GLI1: variants seen among roughly 807,000 people sequenced by gnomAD.
GLI1 encodes GLI family zinc finger 1.
GLI1 carries 51 observed loss-of-function variants against 87.8 expected under a neutral mutation model. The observed-to-expected ratio is 0.58, with a 90% CI of 0.46 to 0.73. GLI1 has a LOEUF of 0.73. Among genes scored for constraint, GLI1 ranks in the 30% least tolerant of loss-of-function variants. The pLI is 0.00. For synonymous variants in GLI1, 528 were observed against 558.2 expected, an observed-to-expected ratio of 0.95 and a Z score of 0.76; for missense variants, 1,292 against 1,437.2, an observed-to-expected ratio of 0.90 and a Z score of 1.63.
rs748075302 is a variant in GLI1, at chr12:57,465,682, T to G, written c.610T>G (p.Ser204Ala). The G allele has an allele frequency of 6.2e-7, 1 of 1,613,982 alleles. No individual in the cohort carries two copies. Among genetic ancestry groups the G allele is most frequent in the South Asian group, 1.1e-5 (1 of 91,084 alleles). The change falls in exon 6 of 12, where the codon TCC (serine) becomes GCC (alanine). Residue 204 changes from serine (S) to alanine (A), a missense_variant. Coordinates refer to ENST00000228682, the MANE Select transcript of GLI1 (RefSeq NM_005269.3). The stretch of plus-strand genomic sequence containing the variant: ...GGAAGGTGATATGTCCAGCCCCAAC[T>G]CCACAGGCATACAGGTAAGGGGATG... The part of the protein sequence containing the change: ...PLEGDMSSPN[S>A]TGIQDPLLGM...
chr12:57,465,853 A>G lies in GLI1; in HGVS notation c.690A>G (p.Glu230=), dbSNP rs1224014610. 1 of 1,614,076 alleles carries G rather than the reference A, an allele frequency of 6.2e-7. No homozygotes were observed. The highest frequency in any genetic ancestry group is 8.5e-7 in the Non-Finnish European group (1 of 1,179,930). The change falls in exon 7 of 12, where the codon GAA becomes GAG. Residue 230 remains glutamate (E), a synonymous_variant. Coordinates refer to ENST00000228682, the MANE Select transcript of GLI1 (RefSeq NM_005269.3). ...DLEREEKREP[E]SVYETDCRWD... Reference sequence around the variant, plus strand: ...AGAGAGAGGAGAAGCGTGAGCCTGAATCTGTGTATGAAACTGACTGCCGTT... The same window carrying G: ...AGAGAGAGGAGAAGCGTGAGCCTGAGTCTGTGTATGAAACTGACTGCCGTT...
At chr12:57,461,660 C>T (rs1384551963) in intron 1 of GLI1, among the ~76,000 whole-genome samples, 1 of 152,204 alleles carries the variant, frequency 6.6e-6, no homozygotes, top group Admixed American at 6.5e-5. Flanking sequence ...AGCCCCCACC[C>T]CTATGGCTCG....
rs200306754 is a variant in GLI1, at chr12:57,470,335, G to A, written c.1595G>A (p.Arg532His). The change falls in exon 12 of 12, where the codon CGC becomes CAC. Residue 532 changes from arginine to histidine, a missense_variant. Coordinates refer to ENST00000228682, the MANE Select transcript of GLI1 (RefSeq NM_005269.3). ...CTTGCAGGTACCACTGTGTCCCGCC[G>A]CGTGGGCCCCCCAGTCTCTCTTGAA... Reference protein sequence around the residue: ...LSHTGTTVSRRVGPPVSLERR... With the variant: ...LSHTGTTVSRHVGPPVSLERR... 1.3e-4 allele frequency: 203 copies of A among 1,572,206 alleles called. No individual in the cohort carries two copies. The East Asian group carries it at 1.9e-3, about 14-fold the overall frequency.
chr12:57,466,537 A>C, intron 8 of GLI1, 148 bp downstream of exon 8: 1 of 612,896 alleles, frequency 1.6e-6, no homozygotes, highest in Non-Finnish European at 2.8e-6. Flanking sequence ...TGTTGGCATA[A>C]AGATGAATAT....
At chr12:57,460,861 A>G (rs146505979) in intron 1 of GLI1, among the ~76,000 whole-genome samples, 11 of 152,232 alleles carry the variant, frequency 7.2e-5, no homozygotes, top group Middle Eastern at 3.4e-3. Flanking sequence ...GGCTGTGGGC[A>G]AGGAGCTCAG....
In GLI1 at chr12:57,470,361, C is replaced by G; in HGVS notation, c.1621C>G (p.Arg541Gly). ...RRVGPPVSLE[R>G]RSSSSSSISS... is the part of the protein sequence containing the mutation. ...CGTGGGCCCCCCAGTCTCTCTTGAA[C>G]GCCGCAGCAGCAGCTCCAGCAGCAT... is the stretch of plus-strand genomic sequence containing the variant. Residue 541 changes from arginine (R) to glycine (G), a missense_variant, in exon 12 of 12, where the codon CGC (arginine) becomes GGC (glycine). Coordinates refer to ENST00000228682, the MANE Select transcript of GLI1 (RefSeq NM_005269.3). The G allele has an allele frequency of 6.2e-7, 1 of 1,604,812 alleles. No individual in the cohort carries two copies. Among genetic ancestry groups the G allele is most frequent in the Non-Finnish European group, 8.5e-7 (1 of 1,174,910 alleles).
rs1168450436 is a variant in GLI1 at position 57,469,680 on chromosome 12, C to G, written c.1558C>G (p.Pro520Ala). 6.2e-7 allele frequency: 1 copy of G among 1,613,428 alleles called. No individual in the cohort carries two copies. Among genetic ancestry groups the G allele is most frequent in the East Asian group, 2.2e-5 (1 of 44,902 alleles). Residue 520 changes from proline to alanine, a missense_variant, in exon 11 of 12, where the codon CCC becomes GCC. Pro to Ala is a conservative substitution (Grantham distance 27). Around this residue, in one of 3 missense-constraint regions of GLI1, gnomAD observed 897 missense variants for 1,040.7 expected, o/e 0.86. Coordinates refer to ENST00000228682, the MANE Select transcript of GLI1 (RefSeq NM_005269.3). ...RPIGTRGLKL[P>A]SLSHTGTTVS... ...AATAGGGACCCGGGGTCTCAAACTG[C>G]CCAGCTTGTCCCACACCGGTGAGAC...
chr12:57,461,555 C>G (rs1297543588), intron 1 of GLI1, among the ~76,000 whole-genome samples: 1 of 152,226 alleles, frequency 6.6e-6, no homozygotes, highest in East Asian at 1.9e-4. Flanking sequence ...ACCCCACCAA[C>G]GGGGACCCCC....
Position 57,470,561 on chromosome 12 carries a change from C to A in GLI1, c.1821C>A (p.Ser607=), listed in dbSNP as rs768806308. 6.2e-6 allele frequency: 10 copies of A among 1,614,122 alleles called. No homozygotes were observed. The highest frequency in any genetic ancestry group is 7.6e-6 in the Non-Finnish European group (9 of 1,180,030). The part of the protein sequence containing the change: ...RGGGTSPTAA[S]SLDRIGGLPM... ...GTGGTACTTCGCCCACTGCAGCATCCAGCCTGGATCGGATAGGTGGTCTTC... is the reference window on the plus strand; with the variant it reads ...GTGGTACTTCGCCCACTGCAGCATCAAGCCTGGATCGGATAGGTGGTCTTC... The change falls in exon 12 of 12, where the codon TCC becomes TCA. Residue 607 remains serine, a synonymous_variant. Coordinates refer to ENST00000228682, the MANE Select transcript of GLI1 (RefSeq NM_005269.3).
In GLI1 at chr12:57,470,672, G is replaced by A. The variant is rs1479201313; in HGVS notation, c.1932G>A (p.Gln644=). The A allele has an allele frequency of 6.2e-7, 1 of 1,613,416 alleles. No homozygotes were observed. Among genetic ancestry groups the A allele is most frequent in the Admixed American group, 1.7e-5 (1 of 60,000 alleles). The change falls in exon 12 of 12, where the codon CAG becomes CAA. Residue 644 remains glutamine, a synonymous_variant. Coordinates refer to ENST00000228682, the MANE Select transcript of GLI1 (RefSeq NM_005269.3). ...GVTRRASDPA[Q]AADRPAPARV... ...CCCGGAGGGCCAGTGACCCAGCCCAGGCTGCTGACCGTCCTGCTCCAGCTA... is the reference window on the plus strand; with the variant it reads ...CCCGGAGGGCCAGTGACCCAGCCCAAGCTGCTGACCGTCCTGCTCCAGCTA...
chr12:57,464,160 G>A, intron 3 of GLI1, 69 bp downstream of exon 3: 1 of 1,027,934 alleles, frequency 9.7e-7, no homozygotes, highest in East Asian at 2.4e-5. Context: ...GAAAGTGGGA[G>A]GGCAGGGGAT....
intron 1 of GLI1, among the ~76,000 whole-genome samples, chr12:57,462,628 C>G (rs910834258): frequency 5.9e-5 from 9 of 152,160 alleles, no homozygotes; most frequent in Non-Finnish European, 8.8e-5. Context: ...CTTTCCTGTT[C>G]CCCCAAAACA....
chr12:57,468,416 C>T (rs753393634), intron 10 of GLI1, among the ~76,000 whole-genome samples, 192 bp downstream of exon 10: 6 of 152,188 alleles, frequency 3.9e-5, no homozygotes, highest in African/African-American at 1.4e-4. Context: ...CTGTCTCACT[C>T]TCTCACTCTC....
chr12:57,464,167 G>T, intron 3 of GLI1, 76 bp downstream of exon 3: 1 of 976,972 alleles, frequency 1.0e-6, no homozygotes, highest in Admixed American at 1.7e-5. Context: ...GGAGGGCAGG[G>T]GATCTCACTT....
At chr12:57,460,672 G>C (rs563867622) in intron 1 of GLI1, 1 of 152,426 alleles carries the variant, frequency 6.6e-6, no homozygotes, top group South Asian at 2.1e-4. Context: ...GAGCCACTAG[G>C]GGCCAGCCAG....
At position 57,470,592 on chromosome 12, in the gene GLI1, C is replaced by T. The variant is rs763307946; in HGVS notation, c.1852C>T (p.Pro618Ser). 1 of 1,614,106 alleles carries T rather than the reference C, an allele frequency of 6.2e-7. No individual in the cohort carries two copies. The highest frequency in any genetic ancestry group is 1.1e-5 in the South Asian group (1 of 91,092). Residue 618 changes from proline to serine, a missense_variant, in exon 12 of 12, where the codon CCT (proline) becomes TCT (serine). By Grantham distance (74) the Pro-to-Ser change is moderately conservative. Transcript: ENST00000228682. ...SLDRIGGLPM[P>S]PWRSRAEYPG... is the part of the protein sequence containing the mutation. The stretch of plus-strand genomic sequence containing the variant: ...GGATCGGATAGGTGGTCTTCCCATG[C>T]CTCCTTGGAGAAGCCGAGCCGAGTA...
chr12:57,465,576 C>T (rs1230486030), intron 5 of GLI1, 31 bp from the exon 6 acceptor site: 1 of 1,571,800 alleles, frequency 6.4e-7, no homozygotes, highest in Non-Finnish European at 8.7e-7. Context: ...TACTTCCACC[C>T]TCATCACCGT....
rs1187895829 is a variant in GLI1 at position 57,460,072 on chromosome 12, G to C, written c.-157G>C. 4 of 149,508 alleles carry C rather than the reference G, an allele frequency of 2.7e-5. No individual in the cohort carries two copies. Among genetic ancestry groups the C allele is most frequent in the Non-Finnish European group, 6.0e-5 (4 of 66,692 alleles). The allele number at this position is 149,508 out of a possible 1,614,324, so 9.3% of individuals were successfully genotyped here. On this transcript the variant is annotated 5_prime_UTR_variant, in exon 1 of 12. Transcript: ENST00000228682. Reference sequence around the variant, plus strand: ...GGGCCGGCGGGAGGGCTGGGGGCCAGGTTGGGGGGGTGGGGGTGGCATCGA... The same window carrying C: ...GGGCCGGCGGGAGGGCTGGGGGCCACGTTGGGGGGGTGGGGGTGGCATCGA...
Position 57,470,652 on chromosome 12 carries a change from A to T in GLI1, c.1912A>T (p.Arg638Trp). ...GYNPNAGVTR[R>W]ASDPAQAADR... ...CAACCCCAATGCAGGGGTCACCCGG[A>T]GGGCCAGTGACCCAGCCCAGGCTGC... Residue 638 changes from arginine to tryptophan, a missense_variant, in exon 12 of 12, where the codon AGG becomes TGG. By Grantham distance (101) the Arg-to-Trp change is moderately radical. This residue lies in a region of GLI1 where 897 missense variants were observed against 1,040.7 expected (regional missense o/e 0.86). Coordinates refer to ENST00000228682, the MANE Select transcript of GLI1 (RefSeq NM_005269.3). 6.2e-7 allele frequency: 1 copy of T among 1,613,670 alleles called. No individual in the cohort carries two copies. The highest frequency in any genetic ancestry group is 8.5e-7 in the Non-Finnish European group (1 of 1,179,830).
Sources: allele counts gnomAD v4.1 joint callset (sites outside exome capture counted in the v4.1 genomes callset), GRCh38; gene constraint gnomAD v4.1.1; regional missense constraint gnomAD v4.1.1; transcripts MANE v1.5; gene names NCBI Gene and HGNC (gene_info 2026-07-23, HGNC 2026-07-21).